FOXN2: variants seen among roughly 807,000 people sequenced by gnomAD.
The protein encoded by FOXN2 is forkhead box N2.
A neutral mutation model predicts 41.2 loss-of-function variants in FOXN2; 19 were observed. The observed-to-expected ratio is 0.46, with a 90% CI of 0.32 to 0.68. The LOEUF (loss-of-function observed/expected upper bound fraction) is 0.68. Ranked by LOEUF, FOXN2 falls within the 30% of genes least tolerant of loss-of-function variation. The pLI, the probability that FOXN2 is intolerant of heterozygous loss-of-function variation, is 0.03. For missense variants in FOXN2, 587 were observed against 509.4 expected, an observed-to-expected ratio of 1.15 and a Z score of -1.47; for synonymous variants, 195 against 176.8, an observed-to-expected ratio of 1.10 and a Z score of -0.82.
chr2:48,375,461 C>CAATTAAGTGA lies in FOXN2; in HGVS notation c.*21_*22insTAAGTGAAAT. 6.3e-7 allele frequency: 1 copy of CAATTAAGTGA among 1,578,160 alleles called. No homozygotes were observed. Among genetic ancestry groups the CAATTAAGTGA allele is most frequent in the Non-Finnish European group, 8.6e-7 (1 of 1,163,456 alleles). On this transcript the variant is annotated 3_prime_UTR_variant, in exon 7 of 7. Transcript: ENST00000340553. ...AAAAATAGAAATACTTAAAGTGTGGCAATACTCTTTCACTTAATTCTTTAC... is the reference window on the plus strand; with the variant it reads ...AAAAATAGAAATACTTAAAGTGTGGCAATTAAGTGAAATACTCTTTCACTTAATTCTTTAC...
chr2:48,356,177 C>T (rs747043287), intron 3 of FOXN2, among the ~76,000 whole-genome samples: 5 of 152,254 alleles, frequency 3.3e-5, no homozygotes, highest in East Asian at 1.9e-4. Context: ...CGTGGTGGCT[C>T]ACGCCTGTAA....
chr2:48,320,990 C>T (rs1381872953), intron 1 of FOXN2, among the ~76,000 whole-genome samples: 1 of 152,024 alleles, frequency 6.6e-6, no homozygotes, highest in East Asian at 1.9e-4. Context: ...GAGAGACTTA[C>T]TCTTTCACTT....
chr2:48,342,050 C>G (rs1670809984), intron 2 of FOXN2, among the ~76,000 whole-genome samples: 1 of 152,032 alleles, frequency 6.6e-6, no homozygotes, highest in Admixed American at 6.6e-5. Flanking sequence ...GTAGTACAGC[C>G]TTTTCTCCCT....
At chr2:48,348,808 A>G (rs372737038) in intron 3 of FOXN2, among the ~76,000 whole-genome samples, 2 of 152,236 alleles carry the variant, frequency 1.3e-5, no homozygotes, top group South Asian at 2.1e-4. Flanking sequence ...TTGTCTCAGC[A>G]TTACTGCTAC....
chr2:48,352,402 T>C (rs1419146747), intron 3 of FOXN2, among the ~76,000 whole-genome samples: 1 of 152,214 alleles, frequency 6.6e-6, no homozygotes, highest in Non-Finnish European at 1.5e-5. Context: ...AACACTGTGC[T>C]TAATTCTTTG....
At position 48,376,837 on chromosome 2, in the gene FOXN2, A is replaced by G. The variant is rs1285079149; in HGVS notation, c.*1394A>G. The G allele has an allele frequency of 6.6e-6, 1 of 152,480 alleles. No individual in the cohort carries two copies. The highest frequency in any genetic ancestry group is 1.9e-4 in the East Asian group (1 of 5,202). 9.4% of individuals were successfully genotyped at this position (152,480 alleles called of 1,614,324 possible). A position where few individuals can be genotyped will look rare whatever the true frequency, so the allele number is the denominator to read the frequency against. On this transcript the variant is annotated 3_prime_UTR_variant, in exon 7 of 7. Coordinates refer to ENST00000340553, the MANE Select transcript of FOXN2 (RefSeq NM_002158.4). ...AGTCTTATGCTACATCCTAAGTCAT[A>G]GACAATGACCTTGTTTTCATTATTC...
At chr2:48,345,580 C>G (rs1013890384) in intron 2 of FOXN2, among the ~76,000 whole-genome samples, 1 of 152,036 alleles carries the variant, frequency 6.6e-6, no homozygotes, top group Non-Finnish European at 1.5e-5. Flanking sequence ...ATACATGTAT[C>G]ATAATATCAC....
chr2:48,374,881 A>T (rs754109020), intron 6 of FOXN2, 39 bp from the exon 7 acceptor site: 2 of 1,537,416 alleles, frequency 1.3e-6, no homozygotes, highest in Admixed American at 4.0e-5. Flanking sequence ...TTGCAACCAA[A>T]CACATTTGAC....
intron 3 of FOXN2, among the ~76,000 whole-genome samples, chr2:48,347,586 A>G (rs1484735242): frequency 4.0e-5 from 6 of 150,336 alleles, no homozygotes; most frequent in Admixed American, 3.3e-4. Context: ...TATCTCTACT[A>G]TTGCCTGATT....
chr2:48,367,346 T>A (rs1252227707), intron 5 of FOXN2, among the ~76,000 whole-genome samples: 1 of 152,186 alleles, frequency 6.6e-6, no homozygotes, highest in Non-Finnish European at 1.5e-5. Context: ...TAGTAAATTT[T>A]AGTAGTTATA....
At chr2:48,351,668 T>A (rs1270479855) in intron 3 of FOXN2, among the ~76,000 whole-genome samples, 2 of 152,036 alleles carry the variant, frequency 1.3e-5, no homozygotes, top group Non-Finnish European at 2.9e-5. Context: ...GGGTTTGAGC[T>A]CCTGTGAGAA....
At chr2:48,314,446 C>A (rs980127281), upstream of FOXN2, among the ~76,000 whole-genome samples, 43 of 152,270 alleles carry the variant, frequency 2.8e-4, no homozygotes, top group Non-Finnish European at 4.7e-4. Flanking sequence ...CTGCATTTCA[C>A]CCCCACCCCA....
chr2:48,362,542 C>A, intron 4 of FOXN2, 101 bp from the exon 5 acceptor site: 3 of 965,446 alleles, frequency 3.1e-6, no homozygotes, highest in South Asian at 2.9e-5. Context: ...GCACTCCAGC[C>A]TGGGCGGCCA....
At chr2:48,362,794 G>C in intron 5 of FOXN2, 87 bp downstream of exon 5, 1 of 1,094,778 alleles carries the variant, frequency 9.1e-7, no homozygotes. Flanking sequence ...GGTCCCCTAA[G>C]ATTATAATGG....
rs1234479286 is a variant in FOXN2, at chr2:48,376,819, T to C, written c.*1376T>C. ...GCAACTTTCTGAAAGTTCAGTCTTA[T>C]GCTACATCCTAAGTCATAGACAATG... is the stretch of plus-strand genomic sequence containing the variant. On this transcript the variant is annotated 3_prime_UTR_variant, in exon 7 of 7. Transcript: ENST00000340553. 2.6e-5 allele frequency: 4 copies of C among 152,496 alleles called. No homozygotes were observed. Among genetic ancestry groups the C allele is most frequent in the Admixed American group, 6.6e-5 (1 of 15,256 alleles). 9.4% of individuals were successfully genotyped at this position (152,496 alleles called of 1,614,324 possible). A position where few individuals can be genotyped will look rare whatever the true frequency, so the allele number is the denominator to read the frequency against.
intron 3 of FOXN2, among the ~76,000 whole-genome samples, chr2:48,349,308 A>T (rs1671304876): frequency 6.6e-6 from 1 of 152,070 alleles, no homozygotes; most frequent in Non-Finnish European, 1.5e-5. Flanking sequence ...CAACATGGCA[A>T]AACCCTGTCT....
Position 48,355,844 on chromosome 2 carries a change from GA to G in FOXN2, c.538-3199del, listed in dbSNP as rs200222755. Among the ~76,000 whole-genome samples the G allele has an allele frequency of 6.1e-4, 93 of 152,272 alleles. 1 individual carries two copies. The East Asian group carries it at 0.017, about 28-fold the overall frequency. ...ATCATCATACCATTTTTACTACTCT[GA>G]AAAGACAGGTCTAACAATCCTGGTT... On this transcript the variant is annotated intron_variant, in intron 3 of 6. Coordinates refer to ENST00000340553, the MANE Select transcript of FOXN2 (RefSeq NM_002158.4).
chr2:48,358,389 G>A (rs1558633778), intron 3 of FOXN2, among the ~76,000 whole-genome samples: 2 of 151,824 alleles, frequency 1.3e-5, no homozygotes, highest in Admixed American at 6.6e-5. Flanking sequence ...TTTACTTTAC[G>A]GGTAAAATGT....
At chr2:48,356,214 G>C (rs1308174451) in intron 3 of FOXN2, among the ~76,000 whole-genome samples, 1 of 152,232 alleles carries the variant, frequency 6.6e-6, no homozygotes, top group East Asian at 1.9e-4. Context: ...GCCGAGGCAG[G>C]TGGATCACTT....
Sources: gnomAD v4.1 joint callset for allele counts (sites outside exome capture counted in the v4.1 genomes callset) on GRCh38, gnomAD v4.1.1 for gene constraint, MANE v1.5 for transcripts, NCBI Gene and HGNC (gene_info 2026-07-23, HGNC 2026-07-21) for gene names.